The following PKNOX2 variants were observed in gnomAD, a reference collection of about 807,000 sequenced individuals.
The protein encoded by PKNOX2 is PBX/knotted 1 homeobox 2, also known as homeobox protein PKNOX2.
Under a neutral mutation model 53.1 loss-of-function variants are expected in PKNOX2, and 14 were observed. The ratio of observed to expected loss-of-function variants is 0.26; its 90% CI spans 0.17 to 0.41. The LOEUF is 0.41. Among genes scored for constraint, PKNOX2 ranks in the 10% least tolerant of loss-of-function variants. PKNOX2 has a pLI of 1.00. For missense variants in PKNOX2, 496 were observed against 602.8 expected (o/e 0.82, Z 1.85); for synonymous variants, 257 against 242.8 (o/e 1.06, Z -0.54).
chr11:125,431,295 A>G lies in PKNOX2; in HGVS notation c.1322A>G (p.Glu441Gly). Reference protein sequence around the residue: ...GTEEEDEDEMEEEEEEELEEE... With the variant: ...GTEEEDEDEMGEEEEEELEEE... ...GAAGAAGAGGATGAGGATGAGATGG[A>G]AGAGGAGGAGGAGGAGGAGCTGGAG... The change falls in exon 13 of 13, where the codon GAA becomes GGA. Residue 441 changes from glutamate to glycine, a missense_variant. Glu to Gly is a moderately conservative substitution (Grantham distance 98). Coordinates refer to ENST00000298282, the MANE Select transcript of PKNOX2 (RefSeq NM_001382323.2). 6.2e-7 allele frequency: 1 copy of G among 1,611,342 alleles called. No individual in the cohort carries two copies.
intron 10 of PKNOX2, among the ~76,000 whole-genome samples, chr11:125,418,836 A>G (rs958296730): frequency 2.6e-5 from 4 of 152,022 alleles, no homozygotes; most frequent in African/African-American, 9.7e-5. Context: ...ATTATTCCCT[A>G]AACAACACAG....
At chr11:125,198,841 C>CT (rs1455609130) in intron 1 of PKNOX2, among the ~76,000 whole-genome samples, 6,718 of 96,020 alleles carry the variant, frequency 0.07, 174 homozygotes, top group Middle Eastern at 0.13. Context: ...TCTTCTTCTT[C>CT]TTTTTTTTTT....
intron 2 of PKNOX2, among the ~76,000 whole-genome samples, chr11:125,268,497 G>A (rs908687564): frequency 2.0e-5 from 3 of 152,218 alleles, no homozygotes; most frequent in South Asian, 4.1e-4. Context: ...TAGTAGGAGA[G>A]CAGTTTGCTC....
intron 2 of PKNOX2, among the ~76,000 whole-genome samples, chr11:125,294,564 C>T (rs896140267): frequency 2.6e-5 from 4 of 152,000 alleles, no homozygotes; most frequent in Non-Finnish European, 2.9e-5. Context: ...GGGCATTTGC[C>T]GGTGAGTAGA....
In PKNOX2 at chr11:125,433,333, C is replaced by G. The variant is rs891619720; in HGVS notation, c.*1941C>G. On this transcript the variant is annotated 3_prime_UTR_variant, in exon 13 of 13. Transcript: ENST00000298282. ...TGCAACCTCCTTCTGATGTATCCAC[C>G]AAACCAGTACTGAATGTGGCCGAGA... The G allele has an allele frequency of 1.3e-5, 2 of 152,696 alleles. No individual in the cohort carries two copies. The highest frequency in any genetic ancestry group is 2.1e-4 in the South Asian group (1 of 4,832). The allele number at this position is 152,696 out of a possible 1,614,324, so 9.5% of individuals were successfully genotyped here.
chr11:125,286,241 C>G (rs937161878), intron 2 of PKNOX2, among the ~76,000 whole-genome samples: 12 of 152,100 alleles, frequency 7.9e-5, no homozygotes, highest in African/African-American at 2.9e-4. Flanking sequence ...ACAGCACAGT[C>G]GTAACTAAAG....
intron 7 of PKNOX2, among the ~76,000 whole-genome samples, chr11:125,408,950 T>A (rs1955295367): frequency 6.6e-6 from 1 of 152,170 alleles, no homozygotes; most frequent in South Asian, 2.1e-4. Flanking sequence ...TCCTTGACCA[T>A]TTACCTGTCT....
intron 3 of PKNOX2, among the ~76,000 whole-genome samples, chr11:125,342,933 C>T (rs1950774892): frequency 6.6e-6 from 1 of 152,104 alleles, no homozygotes. Flanking sequence ...TCTCTTCTTT[C>T]CCTGGGCCTC....
chr11:125,300,940 G>A (rs1237139011), intron 2 of PKNOX2, among the ~76,000 whole-genome samples: 1 of 152,216 alleles, frequency 6.6e-6, no homozygotes, highest in African/African-American at 2.4e-5. Context: ...CTAGGTGTCA[G>A]GAGAGGAGGT....
rs1223645135 is a variant in PKNOX2 at position 125,420,031 on chromosome 11, C to CA, written c.936+8173dup. Among the ~76,000 whole-genome samples the CA allele has an allele frequency of 3.3e-5, 5 of 150,644 alleles. 1 individual carries two copies. Among genetic ancestry groups the CA allele is most frequent in the African/African-American group, 9.8e-5 (4 of 40,698 alleles). On this transcript the variant is annotated intron_variant, in intron 10 of 12. Transcript: ENST00000298282. Reference sequence around the variant, plus strand: ...CAAAACCCCGTCTCTACTAAAAATACAAAAAAATAGCCAGGCATGGTGGTG... The same window carrying CA: ...CAAAACCCCGTCTCTACTAAAAATACAAAAAAAATAGCCAGGCATGGTGGTG...
intron 4 of PKNOX2, among the ~76,000 whole-genome samples, chr11:125,356,327 C>T (rs1951612971): frequency 1.3e-5 from 2 of 152,130 alleles, no homozygotes; most frequent in Admixed American, 1.3e-4. Context: ...TAGGGGCTTA[C>T]GTAGCATGAC....
At chr11:125,377,883 C>T (rs984447512) in intron 5 of PKNOX2, among the ~76,000 whole-genome samples, 4 of 152,218 alleles carry the variant, frequency 2.6e-5, no homozygotes, top group South Asian at 2.1e-4. Context: ...CCATGGGCCG[C>T]GGGCTGGACA....
chr11:125,262,974 C>T (rs892038607), intron 2 of PKNOX2, among the ~76,000 whole-genome samples: 4 of 152,156 alleles, frequency 2.6e-5, no homozygotes, highest in African/African-American at 9.7e-5. Context: ...GGGAGTAATG[C>T]TGGTTAAATG....
intron 3 of PKNOX2, 92 bp from the exon 4 acceptor site, chr11:125,351,192 T>A: frequency 1.4e-6 from 1 of 722,778 alleles, no homozygotes; most frequent in East Asian, 2.7e-5. Context: ...CCGGCCCAGG[T>A]GGCCCAGCGG....
chr11:125,429,621 G>A (rs1284320081), intron 11 of PKNOX2, among the ~76,000 whole-genome samples: 1 of 152,214 alleles, frequency 6.6e-6, no homozygotes, highest in East Asian at 1.9e-4. Context: ...AGACCCCAGA[G>A]CTGAGGGCCC....
intron 5 of PKNOX2, among the ~76,000 whole-genome samples, chr11:125,369,069 C>T (rs1331095476): frequency 6.6e-6 from 1 of 152,232 alleles, no homozygotes; most frequent in African/African-American, 2.4e-5. Context: ...TTCCCCACCA[C>T]CCCAATGACG....
intron 6 of PKNOX2, among the ~76,000 whole-genome samples, chr11:125,392,223 A>ATTT (rs1954091868): frequency 6.6e-6 from 1 of 152,330 alleles, no homozygotes; most frequent in Non-Finnish European, 1.5e-5. Context: ...AAATCTTGTG[A>ATTT]GTTAGAGATG....
At chr11:125,381,920 C>T (rs1017794674) in intron 5 of PKNOX2, among the ~76,000 whole-genome samples, 5 of 152,174 alleles carry the variant, frequency 3.3e-5, no homozygotes, top group Non-Finnish European at 7.3e-5. Flanking sequence ...AGAGGCTCTC[C>T]CTGACCACTC....
In PKNOX2 at chr11:125,326,608, G is replaced by A. The variant is rs150296918; in HGVS notation, c.-129-5211G>A. Among the ~76,000 whole-genome samples the A allele has an allele frequency of 5.6e-3, 846 of 152,328 alleles. 7 individuals carry two copies. The highest frequency in any genetic ancestry group is 0.017 in the Middle Eastern group (5 of 294). ...CCAAAGAGCCCCTCTCTTTCTAGAG[G>A]ATTGGCATCTGGTGTCTTTGAGATC... On this transcript the variant is annotated intron_variant, in intron 2 of 12. Transcript: ENST00000298282.
Sources: gnomAD v4.1 joint callset for allele counts (sites outside exome capture counted in the v4.1 genomes callset) on GRCh38, gnomAD v4.1.1 for gene constraint, MANE v1.5 for transcripts, NCBI Gene and HGNC (gene_info 2026-07-23, HGNC 2026-07-21) for gene names.